The following PTPRK variants were observed in gnomAD, a reference collection of about 807,000 sequenced individuals.
PTPRK encodes the protein receptor-type tyrosine-protein phosphatase kappa.
In PTPRK, 75 loss-of-function variants were observed where a neutral mutation model predicts 178.0. That is an observed-to-expected ratio of 0.42 (90% CI 0.35 to 0.51). PTPRK has a LOEUF of 0.51. PTPRK is among the 20% of genes least tolerant of loss of function. PTPRK has a pLI of 0.02. For synonymous variants in PTPRK, 637 were observed against 620.6 expected (o/e 1.03, Z -0.39); for missense variants, 1,441 against 1,797.8 (o/e 0.80, Z 3.59).
chr6:128,158,375 G>A (rs918042567), intron 7 of PTPRK, among the ~76,000 whole-genome samples: 7 of 151,728 alleles, frequency 4.6e-5, no homozygotes, highest in East Asian at 1.9e-4. Flanking sequence ...AAACCTGCGC[G>A]TTGTGCACAT....
At chr6:128,237,503 G>A (rs1475535524) in intron 5 of PTPRK, among the ~76,000 whole-genome samples, 1 of 152,140 alleles carries the variant, frequency 6.6e-6, no homozygotes, top group Non-Finnish European at 1.5e-5. Context: ...ACACAAAAAG[G>A]TTATCAAGGC....
intron 7 of PTPRK, among the ~76,000 whole-genome samples, chr6:128,172,887 C>T (rs1360390679): frequency 6.6e-6 from 1 of 151,766 alleles, no homozygotes; most frequent in East Asian, 1.9e-4. Context: ...ATGGGCACAC[C>T]AGCACTGCTA....
In PTPRK at chr6:128,322,203, G is replaced by T; in HGVS notation, c.331C>A (p.Leu111Ile). The T allele has an allele frequency of 6.2e-7, 1 of 1,613,826 alleles. No homozygotes were observed. The highest frequency in any genetic ancestry group is 8.5e-7 in the Non-Finnish European group (1 of 1,179,854). The change falls in exon 3 of 30, where the codon CTA (leucine) becomes ATA (isoleucine). Residue 111 changes from leucine (L) to isoleucine (I), a missense_variant. By Grantham distance (5) the Leu-to-Ile change is conservative. This residue lies in a region of PTPRK where 158 missense variants were observed against 188.0 expected (regional missense o/e 0.84). Transcript: ENST00000368226. ...TTCAGTCCTTTCTGGCTATATAATA[G>T]GTAACTGAAATCAATGCAGTGAGTG... ...NDTHCIDFSYLLYSQKGLNPG... is the reference protein window; with the variant it reads ...NDTHCIDFSYILYSQKGLNPG...
At chr6:128,363,526 G>A (rs1299317298) in intron 2 of PTPRK, among the ~76,000 whole-genome samples, 1 of 152,062 alleles carries the variant, frequency 6.6e-6, no homozygotes, top group Non-Finnish European at 1.5e-5. Flanking sequence ...CATATCAATG[G>A]TCTGTTCTAA....
intron 1 of PTPRK, among the ~76,000 whole-genome samples, chr6:128,436,924 C>A (rs1183158067): frequency 6.6e-6 from 1 of 152,130 alleles, no homozygotes; most frequent in Admixed American, 6.5e-5. Flanking sequence ...TGCTGTACAA[C>A]GTTACACCTA....
chr6:128,074,029 C>T (rs915876258), intron 11 of PTPRK, among the ~76,000 whole-genome samples: 1 of 152,056 alleles, frequency 6.6e-6, no homozygotes, highest in Non-Finnish European at 1.5e-5. Flanking sequence ...GCAACCCTAA[C>T]ATACATTTGT....
At chr6:128,072,912 A>G (rs990334295) in intron 11 of PTPRK, among the ~76,000 whole-genome samples, 27 of 152,082 alleles carry the variant, frequency 1.8e-4, no homozygotes, top group African/African-American at 6.3e-4. Flanking sequence ...TTATAATGCC[A>G]AAGATCCATT....
intron 3 of PTPRK, among the ~76,000 whole-genome samples, chr6:128,271,502 G>A (rs1018844636): frequency 6.6e-6 from 1 of 152,126 alleles, no homozygotes. Flanking sequence ...TAAAACCAAT[G>A]TACTAATCTC....
intron 2 of PTPRK, among the ~76,000 whole-genome samples, chr6:128,370,209 C>T (rs1836076069): frequency 6.6e-6 from 1 of 152,084 alleles, no homozygotes; most frequent in South Asian, 2.1e-4. Context: ...TAGTACTTGC[C>T]TTCCACCCAC....
intron 13 of PTPRK, among the ~76,000 whole-genome samples, chr6:128,040,284 G>GT (rs1562480012): frequency 6.6e-6 from 1 of 152,134 alleles, no homozygotes; most frequent in Non-Finnish European, 1.5e-5. Context: ...ATACAAAGCA[G>GT]TTTTATTTAT....
rs1421669318 is a variant in PTPRK, at chr6:127,973,785, C to T, written c.4012G>A (p.Gly1338Arg). 1 of 1,613,852 alleles carries T rather than the reference C, an allele frequency of 6.2e-7. No individual in the cohort carries two copies. Among genetic ancestry groups the T allele is most frequent in the African/African-American group, 1.3e-5 (1 of 74,904 alleles). Residue 1338 changes from glycine to arginine, a missense_variant, in exon 28 of 30, where the codon GGA becomes AGA. Physicochemically the swap from Gly to Arg is moderately radical, Grantham distance 125. Coordinates refer to ENST00000368226, the MANE Select transcript of PTPRK (RefSeq NM_002844.4). ...YLMVQQFQYL[G>R]WASHREVPGS... is the part of the protein sequence containing the mutation. ...GGCACTTCTCGATGAGAAGCCCATC[C>T]TAGGTACTGAAACTGTTGCACCATC...
At chr6:128,202,100 C>G (rs771735931) in intron 6 of PTPRK, among the ~76,000 whole-genome samples, 1 of 152,072 alleles carries the variant, frequency 6.6e-6, no homozygotes, top group Non-Finnish European at 1.5e-5. Flanking sequence ...AGGAGAGGAA[C>G]GAAGGCAGAG....
At chr6:128,281,975 G>A (rs535333461) in intron 3 of PTPRK, among the ~76,000 whole-genome samples, 79 of 152,126 alleles carry the variant, frequency 5.2e-4, no homozygotes, top group Non-Finnish European at 9.3e-4. Context: ...AAAGCAACAT[G>A]GACTCATTGA....
chr6:128,348,329 C>T (rs758978606), intron 2 of PTPRK, among the ~76,000 whole-genome samples: 1 of 151,882 alleles, frequency 6.6e-6, no homozygotes, highest in Non-Finnish European at 1.5e-5. Context: ...CAGATGGAGA[C>T]TACTAGATGA....
chr6:128,519,226 G>T lies in PTPRK; in HGVS notation c.100+1033C>A. 2.3e-6 allele frequency: 1 copy of T among 433,308 alleles called. No homozygotes were observed. 26.8% of individuals were successfully genotyped at this position (433,308 alleles called of 1,614,324 possible). A position where few individuals can be genotyped will look rare whatever the true frequency, so the allele number is the denominator to read the frequency against. On this transcript the variant is annotated intron_variant, in intron 1 of 29. Coordinates refer to ENST00000368226, the MANE Select transcript of PTPRK (RefSeq NM_002844.4). The surrounding 1 kb of genome is among the most constrained non-coding windows in gnomAD (Gnocchi z 4.3). Reference sequence around the variant, plus strand: ...GCCCGCTCCCCAGCGTCCACCTGGTGAAACTTCAGAGCCCCCAGAGGAGAG... The same window carrying T: ...GCCCGCTCCCCAGCGTCCACCTGGTTAAACTTCAGAGCCCCCAGAGGAGAG...
chr6:128,468,512 A>G (rs973158977), intron 1 of PTPRK, among the ~76,000 whole-genome samples: 1 of 152,136 alleles, frequency 6.6e-6, no homozygotes, highest in Non-Finnish European at 1.5e-5. Flanking sequence ...CTCTACTTGG[A>G]CTTTTTCTGT....
At chr6:128,296,150 T>G (rs780170337) in intron 3 of PTPRK, among the ~76,000 whole-genome samples, 15 of 152,036 alleles carry the variant, frequency 9.9e-5, no homozygotes, top group African/African-American at 2.9e-4. Context: ...CCTCTCCCCT[T>G]CTTGCTCACT....
chr6:128,047,378 C>T (rs190269259), intron 13 of PTPRK, among the ~76,000 whole-genome samples: 192 of 152,216 alleles, frequency 1.3e-3, no homozygotes, highest in African/African-American at 4.3e-3. Flanking sequence ...AAGAGGTAAA[C>T]TCCAGACTAT....
At chr6:128,238,045 G>A in intron 5 of PTPRK, 1 of 451,848 alleles carries the variant, frequency 2.2e-6, no homozygotes, top group African/African-American at 2.0e-5. Flanking sequence ...ATAAGTTAAG[G>A]TAATTGATGT....
Sources: allele counts gnomAD v4.1 joint callset (sites outside exome capture counted in the v4.1 genomes callset), GRCh38; gene constraint gnomAD v4.1.1; regional missense constraint gnomAD v4.1.1; non-coding constraint Gnocchi (gnomAD v3.1); transcripts MANE v1.5; gene names NCBI Gene and HGNC (gene_info 2026-07-23, HGNC 2026-07-21).